Variants in PIKFYVE observed in about 807,000 individuals in gnomAD.
The protein encoded by PIKFYVE is 1-phosphatidylinositol 3-phosphate 5-kinase.
A neutral mutation model predicts 257.9 loss-of-function variants in PIKFYVE; 122 were observed. The observed-to-expected ratio is 0.47, with a 90% CI of 0.41 to 0.55. The LOEUF is 0.55. Among genes scored for constraint, PIKFYVE ranks in the 20% least tolerant of loss-of-function variants. PIKFYVE has a pLI of 0.00. For missense variants in PIKFYVE, 2,160 were observed against 2,536.6 expected (o/e 0.85, Z 3.19); for synonymous variants, 892 against 868.9 (o/e 1.03, Z -0.47).
intron 1 of PIKFYVE, among the ~76,000 whole-genome samples, chr2:208,266,791 G>A (rs1688693355): frequency 6.6e-6 from 1 of 152,194 alleles, no homozygotes; most frequent in Non-Finnish European, 1.5e-5. Context: ...AGGCGCATCC[G>A]TAGGCTGGAA....
Position 208,312,427 on chromosome 2 carries a change from C to T in PIKFYVE, c.1696+132C>T, listed in dbSNP as rs573528818. 5.6e-6 allele frequency: 4 copies of T among 719,150 alleles called. No individual in the cohort carries two copies. In the Admixed American group the frequency reaches 7.1e-5, roughly 13 times the overall value. The allele number at this position is 719,150 out of a possible 1,614,324, so 44.5% of individuals were successfully genotyped here. ...TGATTATGGTGGTATCATGGGAACA[C>T]AGTTTTTAATATATATAATGATTTA... is the stretch of plus-strand genomic sequence containing the variant. On this transcript the variant is annotated intron_variant, in intron 13 of 41. Transcript: ENST00000264380.
chr2:208,355,538 T>C lies in PIKFYVE; in HGVS notation c.*233T>C, dbSNP rs1031177298. The C allele has an allele frequency of 2.2e-6, 1 of 463,602 alleles. No individual in the cohort carries two copies. The highest frequency in any genetic ancestry group is 3.9e-6 in the Non-Finnish European group (1 of 255,848). 28.7% of individuals were successfully genotyped at this position (463,602 alleles called of 1,614,324 possible). A position where few individuals can be genotyped will look rare whatever the true frequency, so the allele number is the denominator to read the frequency against. ...AGGTTGGGAAGTGGCATGAAAATTT[T>C]CTTAAGCTAAAATACAGACATGTTT... On this transcript the variant is annotated 3_prime_UTR_variant, in exon 42 of 42. Coordinates refer to ENST00000264380, the MANE Select transcript of PIKFYVE (RefSeq NM_015040.4).
intron 15 of PIKFYVE, among the ~76,000 whole-genome samples, chr2:208,315,748 G>A (rs1695429083): frequency 1.3e-5 from 2 of 152,094 alleles, no homozygotes; most frequent in Admixed American, 6.6e-5. Flanking sequence ...TGTCCCACTC[G>A]TGGCCTGTGG....
chr2:208,329,611 C>A (rs997596615), intron 21 of PIKFYVE, among the ~76,000 whole-genome samples: 3 of 152,114 alleles, frequency 2.0e-5, no homozygotes, highest in African/African-American at 4.8e-5. Flanking sequence ...GTTTATGCAT[C>A]CTCATTAGTT....
rs545321278 is a variant in PIKFYVE, at chr2:208,337,463, G to GAT, written c.4611+543_4611+544dup. Among the ~76,000 whole-genome samples the GAT allele has an allele frequency of 5.8e-3, 885 of 151,724 alleles. 5 individuals carry two copies. Among genetic ancestry groups the GAT allele is most frequent in the Non-Finnish European group, 8.1e-3 (550 of 67,918 alleles). On this transcript the variant is annotated intron_variant, in intron 28 of 41. Coordinates refer to ENST00000264380, the MANE Select transcript of PIKFYVE (RefSeq NM_015040.4). ...ATTTATAGACAGATACATCTATATA[G>GAT]ATATATATAGATATAATACTTAGGA... is the stretch of plus-strand genomic sequence containing the variant.
At chr2:208,335,204 C>A in intron 24 of PIKFYVE, 102 bp from the exon 25 acceptor site, 1 of 784,362 alleles carries the variant, frequency 1.3e-6, no homozygotes, top group South Asian at 1.5e-5. Flanking sequence ...AGAAACTTTT[C>A]CTCTTATGCC....
At position 208,271,546 on chromosome 2, in the gene PIKFYVE, A is replaced by G. The variant is rs1462569860; in HGVS notation, c.27A>G (p.Pro9=). 1.5e-5 allele frequency: 24 copies of G among 1,614,060 alleles called. No individual in the cohort carries two copies. The highest frequency in any genetic ancestry group is 2.0e-5 in the Non-Finnish European group (24 of 1,180,042). Residue 9 remains proline (P), a synonymous_variant, in exon 2 of 42, where the codon CCA becomes CCG. Transcript: ENST00000264380. MATDDKTS[P]TLDSANDLPR... ...TGGCCACAGATGATAAGACGTCCCC[A>G]ACACTGGACTCTGCTAATGATTTGC...
chr2:208,309,317 T>G (rs1559098434), intron 12 of PIKFYVE, among the ~76,000 whole-genome samples: 2 of 152,180 alleles, frequency 1.3e-5, no homozygotes, highest in South Asian at 4.1e-4. Context: ...CATAAAAGAA[T>G]AAGGCTTAAC....
chr2:208,298,919 T>G (rs754219733), intron 8 of PIKFYVE, 140 bp downstream of exon 8: 207 of 1,059,158 alleles, frequency 2.0e-4, no homozygotes, highest in Non-Finnish European at 2.3e-4. Flanking sequence ...CTTGGCTCCC[T>G]GCAACCTCTG....
At position 208,274,081 on chromosome 2, in the gene PIKFYVE, T is replaced by G. The variant is rs368925802; in HGVS notation, c.322+348T>G. The G allele has an allele frequency of 8.0e-5, 129 of 1,605,534 alleles. No individual in the cohort carries two copies. The African/African-American group carries it at 1.6e-3, about 20-fold the overall frequency. ...TAGTTTCCACTTTGTGAATGAATTC[T>G]GCATCTGTTCTTGGGGTGCTAGTGA... On this transcript the variant is annotated intron_variant, in intron 3 of 41. Transcript: ENST00000264380.
intron 8 of PIKFYVE, 45 bp from the exon 9 acceptor site, chr2:208,300,892 A>C (rs754099356): frequency 1.2e-6 from 2 of 1,610,966 alleles, no homozygotes; most frequent in African/African-American, 2.7e-5. Flanking sequence ...AAAGGTATAT[A>C]GCATTTTTCT....
Position 208,332,186 on chromosome 2 carries a change from C to T in PIKFYVE, c.3964-1129C>T, listed in dbSNP as rs575441358. 3.9e-5 allele frequency among the ~76,000 whole-genome samples: 6 copies of T among 152,162 alleles called. No homozygotes were observed. In the South Asian group the frequency reaches 1.0e-3, roughly 26 times the overall value. ...GAGGACATGACAATGCAATTTAATG[C>T]AAATGGCTACTAAACAAATAAATAA... On this transcript the variant is annotated intron_variant, in intron 23 of 41. Transcript: ENST00000264380.
At chr2:208,314,245 A>G in intron 13 of PIKFYVE, 49 bp from the exon 14 acceptor site, 1 of 1,584,200 alleles carries the variant, frequency 6.3e-7, no homozygotes, top group Non-Finnish European at 8.7e-7. Context: ...AGTAGATGGT[A>G]TAAAACAGGA....
intron 12 of PIKFYVE, among the ~76,000 whole-genome samples, chr2:208,308,042 A>G (rs568227310): frequency 5.3e-4 from 80 of 152,376 alleles, no homozygotes; most frequent in African/African-American, 1.9e-3. Context: ...TTAAGGAATA[A>G]GGATTTGAAA....
At chr2:208,339,952 G>T (rs1223346263) in intron 30 of PIKFYVE, 59 bp from the exon 31 acceptor site, 6 of 1,573,706 alleles carry the variant, frequency 3.8e-6, no homozygotes, top group Non-Finnish European at 5.2e-6. Flanking sequence ...AAAGTCAGCA[G>T]TTTATACTTC....
At chr2:208,341,949 G>T (rs1207936788) in intron 31 of PIKFYVE, among the ~76,000 whole-genome samples, 1 of 25,530 alleles carries the variant, frequency 3.9e-5, no homozygotes, top group Non-Finnish European at 1.6e-4. Context: ...ACCCTATGGT[G>T]CCAATTTTTT....
chr2:208,348,143 G>A (rs1699412043), intron 35 of PIKFYVE, 120 bp downstream of exon 35: 1 of 1,268,850 alleles, frequency 7.9e-7, no homozygotes, highest in East Asian at 2.4e-5. Context: ...CATTCCCTCT[G>A]TTCTCACTTG....
At chr2:208,323,032 T>A (rs993080623) in intron 17 of PIKFYVE, among the ~76,000 whole-genome samples, 21 of 151,730 alleles carry the variant, frequency 1.4e-4, no homozygotes, top group Non-Finnish European at 2.6e-4. Flanking sequence ...AACTCATCCT[T>A]TTTTATGGCT....
intron 1 of PIKFYVE, chr2:208,269,850 G>A (rs1056089859): frequency 5.5e-5 from 16 of 292,116 alleles, no homozygotes; most frequent in Non-Finnish European, 1.1e-4. Flanking sequence ...TGGGATAGCT[G>A]GCTCAGCTTT....
Sources: gnomAD v4.1 joint callset for allele counts (sites outside exome capture counted in the v4.1 genomes callset) on GRCh38, gnomAD v4.1.1 for gene constraint, MANE v1.5 for transcripts, NCBI Gene and HGNC (gene_info 2026-07-23, HGNC 2026-07-21) for gene names.